NPC1: variants seen among roughly 807,000 people sequenced by gnomAD.
The protein encoded by NPC1 is NPC intracellular cholesterol transporter 1.
Under a neutral mutation model 140.4 loss-of-function variants are expected in NPC1, and 85 were observed. The observed-to-expected ratio is 0.61, with a 90% CI of 0.51 to 0.72. The LOEUF (loss-of-function observed/expected upper bound fraction) is 0.72. Ranked by LOEUF, NPC1 falls within the 30% of genes least tolerant of loss-of-function variation. NPC1 has a pLI of 0.00. For missense variants in NPC1, 1,504 were observed against 1,623.8 expected (o/e 0.93, Z 1.27); for synonymous variants, 656 against 624.8 (o/e 1.05, Z -0.74).
At chr18:23,562,195 G>A (rs1456810516) in intron 4 of NPC1, among the ~76,000 whole-genome samples, 3 of 151,674 alleles carry the variant, frequency 2.0e-5, no homozygotes, top group Non-Finnish European at 4.4e-5. Flanking sequence ...AGGCTGAGGC[G>A]GGAGAATGGC....
At chr18:23,536,916 TGCAAAATATCA>T (rs2058639443) in intron 20 of NPC1, 40 bp from the exon 21 acceptor site, 1 of 1,548,046 alleles carries the variant, frequency 6.5e-7, no homozygotes, top group Non-Finnish European at 8.9e-7. Context: ...GTCCAGGTCT[TGCAAAATATCA>T]GCAGAATCTG....
downstream of NPC1, chr18:23,519,128 T>C: frequency 6.2e-7 from 1 of 1,614,226 alleles, no homozygotes; most frequent in Non-Finnish European, 8.5e-7. Flanking sequence ...AAGTTTGCCC[T>C]GAACGTGGTG....
chr18:23,528,868 G>A (rs552042786), downstream of NPC1: 3 of 239,040 alleles, frequency 1.3e-5, no homozygotes, highest in Non-Finnish European at 2.5e-5. Flanking sequence ...TGCATAATCT[G>A]CACGGATCTG....
intron 14 of NPC1, among the ~76,000 whole-genome samples, 158 bp from the exon 15 acceptor site, chr18:23,541,591 G>A (rs916179768): frequency 6.6e-6 from 1 of 152,336 alleles, no homozygotes; most frequent in South Asian, 2.1e-4. Context: ...AGTGGGACAG[G>A]AGGTGATAAG....
chr18:23,544,970 C>T lies in NPC1; in HGVS notation c.1937G>A (p.Arg646His), dbSNP rs112387560. Residue 646 changes from arginine (R) to histidine (H), a missense_variant, in exon 12 of 25, where the codon CGC becomes CAC. Arg to His is a conservative substitution (Grantham distance 29, BLOSUM62 0). Coordinates refer to ENST00000269228, the MANE Select transcript of NPC1 (RefSeq NM_000271.5). ...SLALGHMKSC[R>H]RLLVDSKVSL... The stretch of plus-strand genomic sequence containing the variant: ...CCCCCCCCGGCTTACCAGAAGCCTG[C>T]GACAGCTTTTCATGTGCCCCAAGGC... The T allele has an allele frequency of 9.0e-5, 139 of 1,549,734 alleles. No individual in the cohort carries two copies. In the African/African-American group the frequency reaches 1.4e-3, roughly 15 times the overall value.
At chr18:23,583,986 T>C (rs905267626) in intron 1 of NPC1, among the ~76,000 whole-genome samples, 1 of 152,190 alleles carries the variant, frequency 6.6e-6, no homozygotes, top group South Asian at 2.1e-4. Context: ...GCCATTTTAA[T>C]GCTTAATTTC....
At chr18:23,529,354 G>A (rs1187195597), downstream of NPC1, 2 of 1,563,644 alleles carry the variant, frequency 1.3e-6, no homozygotes, top group Non-Finnish European at 8.6e-7. Flanking sequence ...CAAGGAAGTT[G>A]CTGAAAACGA....
chr18:23,537,761 C>G (rs1267150224), intron 20 of NPC1, among the ~76,000 whole-genome samples: 1 of 152,194 alleles, frequency 6.6e-6, no homozygotes, highest in Non-Finnish European at 1.5e-5. Context: ...GCCAAAGCAT[C>G]CAGTCAGTGA....
rs913507294 is a variant in NPC1 at position 23,540,553 on chromosome 18, A to C, written c.2515-16T>G. 6.4e-7 allele frequency: 1 copy of C among 1,565,098 alleles called. No homozygotes were observed. The highest frequency in any genetic ancestry group is 1.4e-5 in the African/African-American group (1 of 74,000). On this transcript the variant is annotated splice_polypyrimidine_tract_variant and intron_variant, in intron 16 of 24. Coordinates refer to ENST00000269228, the MANE Select transcript of NPC1 (RefSeq NM_000271.5). ...ATATTGCTATCTGGAACAACAAATG[A>C]ATCATAAGACAGAGACTGCTTAGTA...
At chr18:23,525,303 A>G (rs1436764772), downstream of NPC1, among the ~76,000 whole-genome samples, 1 of 152,072 alleles carries the variant, frequency 6.6e-6, no homozygotes, top group African/African-American at 2.4e-5. Flanking sequence ...CCTGGAGTGC[A>G]GTAGTGCTAT....
chr18:23,521,648 T>C (rs1250829247), downstream of NPC1, among the ~76,000 whole-genome samples: 1 of 151,914 alleles, frequency 6.6e-6, no homozygotes, highest in Non-Finnish European at 1.5e-5. Context: ...TCCAGTGTAA[T>C]TGATTTTAAG....
At chr18:23,516,128 C>G (rs1457222575) in intron 3 of NPC1, 31 of 1,401,848 alleles carry the variant, frequency 2.2e-5, no homozygotes, top group Non-Finnish European at 3.0e-5. Flanking sequence ...CACTAGAGGG[C>G]ACTCTGTATA....
At chr18:23,569,655 A>G (rs1488949178) in intron 3 of NPC1, among the ~76,000 whole-genome samples, 1 of 152,146 alleles carries the variant, frequency 6.6e-6, no homozygotes. Context: ...AAATAATGAG[A>G]ATTATGAGAA....
Position 23,507,115 on chromosome 18 carries a change from G to C in NPC1, c.432-473C>G, listed in dbSNP as rs1367244122. The C allele has an allele frequency of 6.6e-6, 8 of 1,217,790 alleles. No homozygotes were observed. The East Asian group carries it at 1.9e-4, about 29-fold the overall frequency. 75.4% of individuals were successfully genotyped at this position (1,217,790 alleles called of 1,614,324 possible). ...ATTAGAAATACATTTGGAAGAGAAG[G>C]AATCGCAAATTTTCAGTGTTAAAGG... On this transcript the variant is annotated intron_variant, in intron 3 of 3. Coordinates refer to the NPC1 transcript ENST00000591107.
At chr18:23,517,241 C>T (rs535903593) in intron 3 of NPC1, among the ~76,000 whole-genome samples, 1 of 152,034 alleles carries the variant, frequency 6.6e-6, no homozygotes, top group South Asian at 2.1e-4. Flanking sequence ...CCTCCGCCTC[C>T]CAGGTTCAAG....
chr18:23,513,236 G>A (rs1358232755), intron 3 of NPC1, among the ~76,000 whole-genome samples: 1 of 152,214 alleles, frequency 6.6e-6, no homozygotes. Context: ...TTACAGGCGT[G>A]AGCCACTGTG....
At chr18:23,538,376 T>C (rs759716432) in intron 20 of NPC1, among the ~76,000 whole-genome samples, 166 bp downstream of exon 20, 5 of 152,232 alleles carry the variant, frequency 3.3e-5, no homozygotes, top group Non-Finnish European at 7.3e-5. Flanking sequence ...TGAGGCATTT[T>C]CTTAAAAAGG....
At chr18:23,515,332 A>G (rs1405941242) in intron 3 of NPC1, among the ~76,000 whole-genome samples, 1 of 152,182 alleles carries the variant, frequency 6.6e-6, no homozygotes, top group Non-Finnish European at 1.5e-5. Flanking sequence ...TCATCTGGCT[A>G]ATAGGGCCAG....
intron 18 of NPC1, 75 bp from the exon 19 acceptor site, chr18:23,539,545 C>T: frequency 9.4e-7 from 1 of 1,058,718 alleles, no homozygotes; most frequent in Non-Finnish European, 1.4e-6. Context: ...TTTCTTAAAA[C>T]CTAACTTCCT....
Sources: allele counts gnomAD v4.1 joint callset (sites outside exome capture counted in the v4.1 genomes callset), GRCh38; gene constraint gnomAD v4.1.1; transcripts MANE v1.5; gene names NCBI Gene and HGNC (gene_info 2026-07-23, HGNC 2026-07-21).